BPTF: variants seen among roughly 807,000 people sequenced by gnomAD.
BPTF encodes nucleosome-remodeling factor subunit BPTF.
A neutral mutation model predicts 292.5 loss-of-function variants in BPTF; 18 were observed. The ratio of observed to expected loss-of-function variants is 0.06; its 90% confidence interval spans 0.04 to 0.09. BPTF has a LOEUF of 0.09. Among genes scored for constraint, BPTF ranks in the 10% least tolerant of loss-of-function variants. BPTF has a pLI of 1.00. For synonymous variants in BPTF, 1,225 were observed against 1,251.9 expected, an observed-to-expected ratio of 0.98 and a Z score of 0.45; for missense variants, 2,726 against 3,498.7, an observed-to-expected ratio of 0.78 and a Z score of 5.57.
At chr17:67,856,513 A>G (rs1391782747) in intron 2 of BPTF, among the ~76,000 whole-genome samples, 1 of 152,092 alleles carries the variant, frequency 6.6e-6, no homozygotes, top group East Asian at 1.9e-4. Flanking sequence ...CCTCATTAAC[A>G]TTGTGGTACT....
chr17:67,879,424 G>A (rs1861118830), intron 4 of BPTF, among the ~76,000 whole-genome samples: 1 of 152,186 alleles, frequency 6.6e-6, no homozygotes, highest in South Asian at 2.1e-4. Context: ...AGAGGCGTGA[G>A]CCACCGCGCC....
chr17:67,880,361 G>C (rs35243555), intron 4 of BPTF, among the ~76,000 whole-genome samples: 30,973 of 151,926 alleles, frequency 0.2, 3,973 homozygotes, highest in East Asian at 0.66. Flanking sequence ...TTCTGAAGAT[G>C]GTTGCTTTGA....
At position 67,911,538 on chromosome 17, in the gene BPTF, T is replaced by C. The variant is rs763595062; in HGVS notation, c.3654T>C (p.Ser1218=). The C allele has an allele frequency of 1.2e-6, 2 of 1,613,940 alleles. No homozygotes were observed. Among genetic ancestry groups the C allele is most frequent in the South Asian group, 2.2e-5 (2 of 91,052 alleles). The change falls in exon 11 of 28, where the codon TCT becomes TCC. Residue 1218 remains serine, a synonymous_variant. Coordinates refer to ENST00000306378, the MANE Select transcript of BPTF (RefSeq NM_182641.4). ...TKGNDFFIDD[S]KLASADDIGT... ...GAAATGATTTTTTCATCGATGACTC[T>C]AAACTAGCCAGTGCAGATGATATTG... is the stretch of plus-strand genomic sequence containing the variant.
intron 1 of BPTF, among the ~76,000 whole-genome samples, chr17:67,852,950 A>G (rs978579184): frequency 6.6e-6 from 1 of 152,192 alleles, no homozygotes; most frequent in African/African-American, 2.4e-5. Context: ...AGCCTAGCCA[A>G]TATGGTGAAA....
At chr17:67,837,435 T>A (rs1388405137) in intron 1 of BPTF, among the ~76,000 whole-genome samples, 1 of 150,762 alleles carries the variant, frequency 6.6e-6, no homozygotes, top group Non-Finnish European at 1.5e-5. Flanking sequence ...TGAGATGGAG[T>A]CTTGCTCTGT....
At chr17:67,960,190 G>A (rs1242797506) in intron 24 of BPTF, 1 of 228,226 alleles carries the variant, frequency 4.4e-6, no homozygotes, top group Non-Finnish European at 8.6e-6. Context: ...TGGAGAAGGA[G>A]GTGTATTACT....
chr17:67,843,873 C>T (rs1294272332), intron 1 of BPTF, among the ~76,000 whole-genome samples: 1 of 141,248 alleles, frequency 7.1e-6, no homozygotes, highest in Admixed American at 7.6e-5. Flanking sequence ...TCAAGTGATT[C>T]TCCTGCCTCA....
chr17:67,909,531 G>T, intron 9 of BPTF, 51 bp from the exon 10 acceptor site: 2 of 1,238,874 alleles, frequency 1.6e-6, no homozygotes, highest in Non-Finnish European at 2.2e-6. Flanking sequence ...ACATATTAAA[G>T]TGCTAATACT....
At chr17:67,929,191 T>G in intron 16 of BPTF, 145 bp from the exon 17 acceptor site, 1 of 1,416,564 alleles carries the variant, frequency 7.1e-7, no homozygotes, top group Admixed American at 3.0e-5. Context: ...CATCTCCTTT[T>G]CACTGATTTC....
intron 14 of BPTF, among the ~76,000 whole-genome samples, chr17:67,924,122 G>C (rs2063670225): frequency 1.3e-5 from 2 of 152,110 alleles, no homozygotes; most frequent in African/African-American, 4.8e-5. Flanking sequence ...CCTCAGGCAG[G>C]TGGCCACCAC....
At chr17:67,858,619 T>C (rs62084236) in intron 2 of BPTF, among the ~76,000 whole-genome samples, 11,098 of 147,640 alleles carry the variant, frequency 0.075, 254 homozygotes, top group Non-Finnish European at 0.11. Flanking sequence ...AATTCAGTGA[T>C]GCTGCCTGTC....
At chr17:67,865,840 G>C (rs2059361029) in intron 2 of BPTF, among the ~76,000 whole-genome samples, 1 of 152,338 alleles carries the variant, frequency 6.6e-6, no homozygotes, top group Non-Finnish European at 1.5e-5. Context: ...CTTCTCTCCA[G>C]TTTGGGCTTC....
In BPTF at chr17:67,909,659, G is replaced by A; in HGVS notation, c.2890G>A (p.Glu964Lys). 1 of 1,603,934 alleles carries A rather than the reference G, an allele frequency of 6.2e-7. No homozygotes were observed. The highest frequency in any genetic ancestry group is 8.5e-7 in the Non-Finnish European group (1 of 1,176,692). Residue 964 changes from glutamate (E) to lysine (K), a missense_variant, in exon 10 of 28, where the codon GAG becomes AAG. By Grantham distance (56) the Glu-to-Lys change is moderately conservative. Around this residue, in one of 22 missense-constraint regions of BPTF, gnomAD observed 713 missense variants for 714.9 expected, o/e 1.00. Coordinates refer to ENST00000306378, the MANE Select transcript of BPTF (RefSeq NM_182641.4). ...ACGAAGTCCAAAAAAAATAAAAATA[G>A]AGCCTGATTCTGAAAAAGATGAGGT... ...CSRSPKKIKI[E>K]PDSEKDEVKG...
At chr17:67,872,565 G>T (rs570096026) in intron 3 of BPTF, among the ~76,000 whole-genome samples, 1 of 152,056 alleles carries the variant, frequency 6.6e-6, no homozygotes, top group African/African-American at 2.4e-5. Flanking sequence ...AATTAGCCAG[G>T]TGTGGTGGTA....
intron 13 of BPTF, among the ~76,000 whole-genome samples, chr17:67,922,175 A>G (rs751662329): frequency 1.3e-5 from 2 of 151,994 alleles, no homozygotes; most frequent in Non-Finnish European, 2.9e-5. Context: ...GTCCCCTAAA[A>G]TCACTTCTCT....
At chr17:67,926,408 T>C (rs2063902906) in intron 15 of BPTF, among the ~76,000 whole-genome samples, 1 of 139,612 alleles carries the variant, frequency 7.2e-6, no homozygotes, top group Non-Finnish European at 1.5e-5. Flanking sequence ...TACTGCAAGC[T>C]CCGCCTCCCG....
intron 4 of BPTF, among the ~76,000 whole-genome samples, chr17:67,888,785 T>C (rs866140421): frequency 1.3e-5 from 2 of 152,038 alleles, no homozygotes; most frequent in Admixed American, 6.6e-5. Flanking sequence ...GAGAAACATA[T>C]AAGAAGATTC....
intron 13 of BPTF, among the ~76,000 whole-genome samples, 156 bp downstream of exon 13, chr17:67,920,299 A>G (rs915889357): frequency 6.6e-6 from 1 of 152,252 alleles, no homozygotes; most frequent in Admixed American, 6.5e-5. Flanking sequence ...TAATAAACAT[A>G]TCAAGATTCT....
At chr17:67,890,295 A>G (rs1314406802) in intron 4 of BPTF, among the ~76,000 whole-genome samples, 1 of 152,092 alleles carries the variant, frequency 6.6e-6, no homozygotes, top group Admixed American at 6.5e-5. Context: ...GAGCCAAATG[A>G]GGTTATCGAG....
Sources: gnomAD v4.1 joint callset for allele counts (sites outside exome capture counted in the v4.1 genomes callset) on GRCh38, gnomAD v4.1.1 for gene constraint, gnomAD v4.1.1 regional missense constraint, MANE v1.5 for transcripts, NCBI Gene and HGNC (gene_info 2026-07-23, HGNC 2026-07-21) for gene names.